The following DNAJC14 variants were observed in gnomAD, a reference collection of about 807,000 sequenced individuals.
DNAJC14 encodes DnaJ heat shock protein family (Hsp40) member C14, also known as dnaJ homolog subfamily C member 14.
Under a neutral mutation model 68.8 loss-of-function variants are expected in DNAJC14, and 12 were observed. That is an observed-to-expected ratio of 0.17 (90% CI 0.11 to 0.28). The LOEUF is 0.28. Among genes scored for constraint, DNAJC14 ranks in the 10% least tolerant of loss-of-function variants. DNAJC14 has a pLI of 1.00. For synonymous variants in DNAJC14, 350 were observed against 321.5 expected (o/e 1.09, Z -0.95); for missense variants, 764 against 875.6 (o/e 0.87, Z 1.61).
rs1253752996 is a variant in DNAJC14, at chr12:55,821,752, G to A, written c.*225C>T. ...TGTGCCTGTAATCCCAGCTACTCAGGAGGCTGAGATGGGAGAATTGCTTGA... is the reference window on the plus strand; with the variant it reads ...TGTGCCTGTAATCCCAGCTACTCAGAAGGCTGAGATGGGAGAATTGCTTGA... On this transcript the variant is annotated 3_prime_UTR_variant, in exon 7 of 7. Coordinates refer to ENST00000678005, the MANE Select transcript of DNAJC14 (RefSeq NM_032364.6). The A allele has an allele frequency of 8.6e-6, 3 of 348,526 alleles. No individual in the cohort carries two copies. The highest frequency in any genetic ancestry group is 2.1e-5 in the African/African-American group (1 of 47,168). The allele number at this position is 348,526 out of a possible 1,614,324, so 21.6% of individuals were successfully genotyped here. A position where few individuals can be genotyped will look rare whatever the true frequency, so the allele number is the denominator to read the frequency against.
In DNAJC14 at chr12:55,822,660, C is replaced by T. The variant is rs747575227; in HGVS notation, c.1707G>A (p.Glu569=). Residue 569 remains glutamate, a synonymous_variant, in exon 5 of 7, where the codon GAG becomes GAA. Transcript: ENST00000678005. ...TTGACTCTGCCCAAAAGTCTCCTTCCTCAGCAGGATGCAGCCTATTACACT... is the reference window on the plus strand; with the variant it reads ...TTGACTCTGCCCAAAAGTCTCCTTCTTCAGCAGGATGCAGCCTATTACACT... ...CAECNRLHPA[E]EGDFWAESSM... is the part of the protein sequence containing the mutation. The T allele has an allele frequency of 2.5e-6, 4 of 1,614,204 alleles. No homozygotes were observed. In the Admixed American group the frequency reaches 6.7e-5, roughly 27 times the overall value.
Position 55,829,452 on chromosome 12 carries a change from C to CA in DNAJC14, c.-57+36dup, listed in dbSNP as rs1258629419. 2.9e-4 allele frequency: 271 copies of CA among 929,164 alleles called. 5 individuals carry two copies. In the Admixed American group the frequency reaches 8.9e-3, roughly 31 times the overall value. 57.6% of individuals were successfully genotyped at this position (929,164 alleles called of 1,614,324 possible). On this transcript the variant is annotated intron_variant, in intron 1 of 6. Coordinates refer to ENST00000678005, the MANE Select transcript of DNAJC14 (RefSeq NM_032364.6). ...AGAGCGAGACTCCATCTCAAAAAAA[C>CA]AAAAAAAAACGAAAAAAAAAAAAAA...
chr12:55,829,173 AC>A, intron 1 of DNAJC14: 1 of 985,936 alleles, frequency 1.0e-6, no homozygotes, highest in Non-Finnish European at 1.2e-6. Flanking sequence ...GTGGCCGGGC[AC>A]CGTGGCTCAC....
Position 55,827,832 on chromosome 12 carries a change from C to T in DNAJC14, c.827G>A (p.Cys276Tyr). ...VETCGHLIYA[C>Y]RQLKSSDLDL... Reference sequence around the variant, plus strand: ...CAAATCACTGCTTTTCAGTTGCCTGCAGGCATAGATGAGATGGCCACAAGT... The same window carrying T: ...CAAATCACTGCTTTTCAGTTGCCTGTAGGCATAGATGAGATGGCCACAAGT... The change falls in exon 2 of 7, where the codon TGC (cysteine) becomes TAC (tyrosine). Residue 276 changes from cysteine (C) to tyrosine (Y), a missense_variant. Physicochemically the swap from Cys to Tyr is radical, Grantham distance 194. This residue lies in a region of DNAJC14 where 514 missense variants were observed against 521.7 expected (regional missense o/e 0.99). Transcript: ENST00000678005. The T allele has an allele frequency of 6.2e-7, 1 of 1,614,028 alleles. No homozygotes were observed. The highest frequency in any genetic ancestry group is 8.5e-7 in the Non-Finnish European group (1 of 1,179,904).
Position 55,821,932 on chromosome 12 carries a change from G to T in DNAJC14, c.*45C>A. On this transcript the variant is annotated 3_prime_UTR_variant, in exon 7 of 7. Transcript: ENST00000678005. ...AAATCAAACTCCATCCTGTGCTACA[G>T]CCCTTTTGACTCCCTGACATTGATT... is the stretch of plus-strand genomic sequence containing the variant. The T allele has an allele frequency of 6.4e-7, 1 of 1,562,428 alleles. No individual in the cohort carries two copies. Among genetic ancestry groups the T allele is most frequent in the Admixed American group, 1.9e-5 (1 of 53,470 alleles).
At position 55,828,384 on chromosome 12, in the gene DNAJC14, T is replaced by A. The variant is rs201422687; in HGVS notation, c.275A>T (p.Gln92Leu). The part of the protein sequence containing the change: ...GPPRDAEDPD[Q>L]SETSSEEESG... ...TTCTTCTTCTGAAGACGTCTCACTC[T>A]GATCAGGGTCCTCTGCATCTCTAGG... The change falls in exon 2 of 7, where the codon CAG (glutamine) becomes CTG (leucine). Residue 92 changes from glutamine to leucine, a missense_variant. Transcript: ENST00000678005. 12 of 1,613,984 alleles carry A rather than the reference T, an allele frequency of 7.4e-6. No homozygotes were observed. The Admixed American group carries it at 1.2e-4, about 16-fold the overall frequency.
chr12:55,823,035 T>C (rs1163946317), intron 4 of DNAJC14, 35 bp downstream of exon 4: 8 of 1,611,104 alleles, frequency 5.0e-6, no homozygotes, highest in Non-Finnish European at 6.8e-6. Context: ...ATCCCTGAGC[T>C]GTGATTGTCC....
Position 55,828,599 on chromosome 12 carries a change from G to A in DNAJC14, c.60C>T (p.Ala20=). 2 of 1,614,088 alleles carry A rather than the reference G, an allele frequency of 1.2e-6. No homozygotes were observed. Among genetic ancestry groups the A allele is most frequent in the Admixed American group, 1.7e-5 (1 of 60,012 alleles). Residue 20 remains alanine, a synonymous_variant, in exon 2 of 7, where the codon GCC becomes GCT. Coordinates refer to ENST00000678005, the MANE Select transcript of DNAJC14 (RefSeq NM_032364.6). ...CGGAGGGTCCTAAAGTCCTGAGGGA[G>A]GCACCACCACTGTGGTGGGCTCCAT... ...GLYGAHHSGG[A]SLRTLGPSVD...
chr12:55,822,870 TCTATC>T, intron 4 of DNAJC14, 138 bp from the exon 5 acceptor site: 1 of 1,394,024 alleles, frequency 7.2e-7, no homozygotes, highest in Non-Finnish European at 9.7e-7. Flanking sequence ...CCTTCAACGT[TCTATC>T]CTAAAGCTAA....
chr12:55,823,313 C>CAACAAGCCTCCACCCCCAAGT, intron 3 of DNAJC14, 89 bp downstream of exon 3: 1 of 1,597,374 alleles, frequency 6.3e-7, no homozygotes. Context: ...CTCTCCATCT[C>CAACAAGCCTCCACCCCCAAGT]AACAAGCCTC....
chr12:55,829,721 G>A, upstream of DNAJC14: 3 of 565,638 alleles, frequency 5.3e-6, no homozygotes, highest in Non-Finnish European at 6.7e-6. Context: ...GGGCTGCGTC[G>A]ACTCCAAGGA....
At position 55,822,095 on chromosome 12, in the gene DNAJC14, A is replaced by C; in HGVS notation, c.1991T>G (p.Phe664Cys). The stretch of plus-strand genomic sequence containing the variant: ...TCCAGGGGCAGGCTGAGGAGCTGCA[A>C]AGAAGTTCCCATTGGGCATCTGCCC... ...PPGQMPNGNFFAAPQPAPGAA... is the reference protein window; with the variant it reads ...PPGQMPNGNFCAAPQPAPGAA... The change falls in exon 7 of 7, where the codon TTT becomes TGT. Residue 664 changes from phenylalanine (F) to cysteine (C), a missense_variant. By Grantham distance (205) the Phe-to-Cys change is radical. This residue lies in a region of DNAJC14 where 134 missense variants were observed against 162.3 expected (regional missense o/e 0.83). Coordinates refer to ENST00000678005, the MANE Select transcript of DNAJC14 (RefSeq NM_032364.6). 1 of 1,614,090 alleles carries C rather than the reference A, an allele frequency of 6.2e-7. No individual in the cohort carries two copies. Among genetic ancestry groups the C allele is most frequent in the Non-Finnish European group, 8.5e-7 (1 of 1,179,984 alleles).
In DNAJC14 at chr12:55,828,032, C is replaced by G. The variant is rs779975293; in HGVS notation, c.627G>C (p.Glu209Asp). ...GGGACCTGGGATCCCTACGTCCACC[C>G]TCCCGAGTATCCTCCTTCGTTGGAA... ...HRFPTKEDTR[E>D]GGRRDPRSPG... is the part of the protein sequence containing the mutation. Residue 209 changes from glutamate (E) to aspartate (D), a missense_variant, in exon 2 of 7, where the codon GAG (glutamate) becomes GAC (aspartate). Transcript: ENST00000678005. The G allele has an allele frequency of 1.4e-5, 22 of 1,613,554 alleles. No individual in the cohort carries two copies. Among genetic ancestry groups the G allele is most frequent in the Non-Finnish European group, 1.9e-5 (22 of 1,179,820 alleles).
chr12:55,823,193 A>C lies in DNAJC14; in HGVS notation c.1515-4T>G, dbSNP rs1476895738. The C allele has an allele frequency of 6.2e-7, 1 of 1,614,030 alleles. No homozygotes were observed. Among genetic ancestry groups the C allele is most frequent in the East Asian group, 2.2e-5 (1 of 44,874 alleles). ...CTCATTCTCTGCCATTCGTTTCCTA[A>C]TAGAAGAAATGCTTTGTAAGTCAGA... On this transcript the variant is annotated splice_region_variant and splice_polypyrimidine_tract_variant and intron_variant, in intron 3 of 6. Coordinates refer to ENST00000678005, the MANE Select transcript of DNAJC14 (RefSeq NM_032364.6).
chr12:55,829,131 GGGAACCCACC>G lies in DNAJC14; in HGVS notation c.-57+348_-57+357del. The G allele has an allele frequency of 3.0e-6, 3 of 987,586 alleles. No homozygotes were observed. The South Asian group carries it at 1.4e-4, about 46-fold the overall frequency. The allele number at this position is 987,586 out of a possible 1,614,324, so 61.2% of individuals were successfully genotyped here. The stretch of plus-strand genomic sequence containing the variant: ...GGGCTGCCCCTAAGAAAGACTAACA[GGGAACCCACC>G]GGCTGTGTAGAAGGGACGAAGGTGG... On this transcript the variant is annotated intron_variant, in intron 1 of 6. Transcript: ENST00000678005.
chr12:55,828,831 G>T, intron 1 of DNAJC14, 117 bp from the exon 2 acceptor site: 1 of 1,296,662 alleles, frequency 7.7e-7, no homozygotes, highest in Non-Finnish European at 1.0e-6. Context: ...AAGTTCTTTT[G>T]GGGCATTCGC....
At position 55,823,529 on chromosome 12, in the gene DNAJC14, C is replaced by T. The variant is rs1166463994; in HGVS notation, c.1408-21G>A. 5.6e-6 allele frequency: 9 copies of T among 1,600,950 alleles called. No individual in the cohort carries two copies. The African/African-American group carries it at 1.2e-4, about 21-fold the overall frequency. ...TGAACCTACCAAGACAGAGAGATTT[C>T]ATTACAAATCCATTCCAACCCTCTC... On this transcript the variant is annotated intron_variant, in intron 2 of 6. Coordinates refer to ENST00000678005, the MANE Select transcript of DNAJC14 (RefSeq NM_032364.6).
In DNAJC14 at chr12:55,823,437, A is replaced by G. The variant is rs766642561; in HGVS notation, c.1479T>C (p.Ile493=). 3 of 1,614,192 alleles carry G rather than the reference A, an allele frequency of 1.9e-6. No homozygotes were observed. The highest frequency in any genetic ancestry group is 2.2e-5 in the South Asian group (2 of 91,090). The change falls in exon 3 of 7, where the codon ATT becomes ATC. Residue 493 remains isoleucine, a synonymous_variant. Coordinates refer to ENST00000678005, the MANE Select transcript of DNAJC14 (RefSeq NM_032364.6). The stretch of plus-strand genomic sequence containing the variant: ...CCTTTCGCTTTTCAGCATTGCTGAC[A>G]ATGTCCCAAGCTGCTCGCAAAACCT... ...AFKVLRAAWD[I]VSNAEKRKEY... is the part of the protein sequence containing the mutation.
At chr12:55,829,693 G>C (rs1056785705), upstream of DNAJC14, 29 of 836,510 alleles carry the variant, frequency 3.5e-5, no homozygotes, top group Non-Finnish European at 4.0e-5. Flanking sequence ...TTGGCTGAGA[G>C]GCAAGCCAAT....
Sources: allele counts gnomAD v4.1 joint callset, GRCh38; gene constraint gnomAD v4.1.1; regional missense constraint gnomAD v4.1.1; transcripts MANE v1.5; gene names NCBI Gene and HGNC (gene_info 2026-07-23, HGNC 2026-07-21).